Variants in RNF168 observed in about 807,000 individuals in gnomAD.
RNF168 encodes ring finger protein 168.
Under a neutral mutation model 34.9 loss-of-function variants are expected in RNF168, and 34 were observed. That is an observed-to-expected ratio of 0.97 (90% CI 0.74 to 1.30). The LOEUF is 1.30. Among genes scored for constraint, RNF168 ranks in the 50% most tolerant of loss-of-function variants. The pLI is 0.00. For missense variants in RNF168, 725 were observed against 682.5 expected, an observed-to-expected ratio of 1.06 and a Z score of -0.69; for synonymous variants, 264 against 254.7, an observed-to-expected ratio of 1.04 and a Z score of -0.35.
At chr3:196,498,760 C>T (rs1280399920) in intron 1 of RNF168, among the ~76,000 whole-genome samples, 1 of 151,906 alleles carries the variant, frequency 6.6e-6, no homozygotes, top group Non-Finnish European at 1.5e-5. Context: ...TTTGGGAGGC[C>T]GAGGCGGGTG....
At position 196,501,944 on chromosome 3, in the gene RNF168, C is replaced by T. The variant is rs73891269; in HGVS notation, c.301+929G>A. Among the ~76,000 whole-genome samples, 779 of 146,594 alleles carry T rather than the reference C, an allele frequency of 5.3e-3. 10 individuals are homozygous for T. Among genetic ancestry groups the T allele is most frequent in the African/African-American group, 0.018 (728 of 39,824 alleles). On this transcript the variant is annotated intron_variant, in intron 1 of 5. Transcript: ENST00000318037. ...ATGGTCTGCGAGCATTTGAATAAAG[C>T]TTTTTCTTTTAACTATTGTTTAAAA... is the stretch of plus-strand genomic sequence containing the variant.
chr3:196,471,788 C>T lies in RNF168; in HGVS notation c.*31G>A. On this transcript the variant is annotated 3_prime_UTR_variant, in exon 6 of 6. Coordinates refer to ENST00000318037, the MANE Select transcript of RNF168 (RefSeq NM_152617.4). The stretch of plus-strand genomic sequence containing the variant: ...GAAAGAGCTTCACATTCCAGCTTTA[C>T]TAGATCACAAAGCACTCCCTTTACC... The T allele has an allele frequency of 7.3e-7, 1 of 1,364,552 alleles. No individual in the cohort carries two copies. 84.5% of individuals were successfully genotyped at this position (1,364,552 alleles called of 1,614,324 possible). A position where few individuals can be genotyped will look rare whatever the true frequency, so the allele number is the denominator to read the frequency against.
intron 3 of RNF168, among the ~76,000 whole-genome samples, chr3:196,487,122 TAAGTA>T (rs2108650060): frequency 6.6e-6 from 1 of 152,370 alleles, no homozygotes; most frequent in Non-Finnish European, 1.5e-5. Flanking sequence ...AATTTTACTT[TAAGTA>T]AAGCAAAAAT....
At chr3:196,495,898 C>A (rs914512183) in intron 1 of RNF168, among the ~76,000 whole-genome samples, 1 of 152,132 alleles carries the variant, frequency 6.6e-6, no homozygotes, top group Non-Finnish European at 1.5e-5. Flanking sequence ...TTTGAGAAAT[C>A]CAAATGTAAA....
chr3:196,501,421 G>A (rs1180560158), intron 1 of RNF168, among the ~76,000 whole-genome samples: 1 of 152,184 alleles, frequency 6.6e-6, no homozygotes, highest in African/African-American at 2.4e-5. Flanking sequence ...ATGCCACACT[G>A]TACATGAACC....
Position 196,503,513 on chromosome 3 carries a change from G to GTCC in RNF168, c.-343_-341dup, listed in dbSNP as rs1470171123. ...CGGGGCAGCGAGGGGAACGCGCCAA[G>GTCC]TCCTCTCCTCCCCTCACCCGGAAAG... On this transcript the variant is annotated 5_prime_UTR_variant, in exon 1 of 6. Coordinates refer to ENST00000318037, the MANE Select transcript of RNF168 (RefSeq NM_152617.4). 2 of 378,276 alleles carry GTCC rather than the reference G, an allele frequency of 5.3e-6. No individual in the cohort carries two copies. Among genetic ancestry groups the GTCC allele is most frequent in the Non-Finnish European group, 1.0e-5 (2 of 198,218 alleles). The allele number at this position is 378,276 out of a possible 1,614,324, so 23.4% of individuals were successfully genotyped here. A position where few individuals can be genotyped will look rare whatever the true frequency, so the allele number is the denominator to read the frequency against.
chr3:196,493,327 C>A lies in RNF168; in HGVS notation c.302-4644G>T, dbSNP rs186033855. Among the ~76,000 whole-genome samples the A allele has an allele frequency of 2.4e-4, 37 of 152,308 alleles. No homozygotes were observed. The East Asian group carries it at 6.0e-3, about 25-fold the overall frequency. On this transcript the variant is annotated intron_variant, in intron 1 of 5. Transcript: ENST00000318037. ...TTAAGATCAGTGAGTTATTCAACTG[C>A]AGACACAAGTTAAAATTGTCTTCAT...
chr3:196,494,113 A>C (rs369742189), intron 1 of RNF168, among the ~76,000 whole-genome samples: 8,368 of 151,356 alleles, frequency 0.055, 700 homozygotes, highest in African/African-American at 0.18. Flanking sequence ...ACTCTCAAGT[A>C]CTGAGATTAC....
intron 5 of RNF168, among the ~76,000 whole-genome samples, chr3:196,473,032 G>A (rs2108644333): frequency 6.6e-6 from 1 of 151,872 alleles, no homozygotes; most frequent in South Asian, 2.1e-4. Context: ...CTCCCAAATA[G>A]GTGTATATTT....
intron 4 of RNF168, 188 bp from the exon 5 acceptor site, chr3:196,475,500 T>C: frequency 3.5e-6 from 2 of 571,994 alleles, no homozygotes; most frequent in Non-Finnish European, 3.1e-6. Flanking sequence ...TGAGTATTGA[T>C]ATTTTAGTGA....
intron 1 of RNF168, among the ~76,000 whole-genome samples, chr3:196,501,037 A>C (rs1732872180): frequency 6.6e-6 from 1 of 152,214 alleles, no homozygotes; most frequent in Non-Finnish European, 1.5e-5. Context: ...CACAGAGTTA[A>C]GATACCAGTT....
chr3:196,480,054 T>C (rs1732249569), intron 4 of RNF168, among the ~76,000 whole-genome samples: 1 of 88,418 alleles, frequency 1.1e-5, no homozygotes, highest in Admixed American at 9.0e-5. Flanking sequence ...CAAGCAAACC[T>C]TTGTAAATAT....
chr3:196,498,221 G>A (rs1046741179), intron 1 of RNF168, among the ~76,000 whole-genome samples: 1 of 152,068 alleles, frequency 6.6e-6, no homozygotes, highest in African/African-American at 2.4e-5. Flanking sequence ...GCAGTGGCGC[G>A]ATCTAGGCTC....
chr3:196,488,717 G>A (rs557320846), intron 1 of RNF168, 34 bp from the exon 2 acceptor site: 1 of 1,371,146 alleles, frequency 7.3e-7, no homozygotes, highest in South Asian at 1.2e-5. Context: ...TAACATTATA[G>A]GCAACACAAT....
At chr3:196,502,338 G>C (rs933352517) in intron 1 of RNF168, among the ~76,000 whole-genome samples, 3 of 152,170 alleles carry the variant, frequency 2.0e-5, no homozygotes, top group African/African-American at 7.2e-5. Context: ...TGTAATCCCA[G>C]CATTTTGGCA....
chr3:196,484,163 T>C (rs971764157), intron 3 of RNF168, among the ~76,000 whole-genome samples: 1 of 123,094 alleles, frequency 8.1e-6, no homozygotes, highest in African/African-American at 3.4e-5. Context: ...CCTGTTGATC[T>C]TTCTTTCCTT....
Position 196,472,298 on chromosome 3 carries a change from C to T in RNF168, c.1237G>A (p.Glu413Lys), listed in dbSNP as rs6790173. 7.5e-4 allele frequency: 1,210 copies of T among 1,613,790 alleles called. 12 individuals are homozygous for T. In the African/African-American group the frequency reaches 0.013, roughly 18 times the overall value. The change falls in exon 6 of 6, where the codon GAA (glutamate) becomes AAA (lysine). Residue 413 changes from glutamate (E) to lysine (K), a missense_variant. Glu to Lys is a moderately conservative substitution (Grantham distance 56). Coordinates refer to ENST00000318037, the MANE Select transcript of RNF168 (RefSeq NM_152617.4). ...FSAKRRKVSP[E>K]SSPDQEETEI... ...GTTTCCTCTTGATCTGGGGAAGATTCGGGGGACACTTTTCTTCTTTTTGCA... is the reference window on the plus strand; with the variant it reads ...GTTTCCTCTTGATCTGGGGAAGATTTGGGGGACACTTTTCTTCTTTTTGCA...
chr3:196,502,054 GAAAAAAAA>G (rs554041803), intron 1 of RNF168, among the ~76,000 whole-genome samples: 39 of 50,058 alleles, frequency 7.8e-4, no homozygotes, highest in Non-Finnish European at 1.2e-3. Context: ...AAAAAAATTA[GAAAAAAAA>G]AAAAAAAAAA....
At chr3:196,494,316 T>G (rs545333138) in intron 1 of RNF168, among the ~76,000 whole-genome samples, 4 of 152,358 alleles carry the variant, frequency 2.6e-5, no homozygotes, top group African/African-American at 9.6e-5. Context: ...GGTTAAACAT[T>G]CCTACTCTAC....
Sources: gnomAD v4.1 joint callset for allele counts (sites outside exome capture counted in the v4.1 genomes callset) on GRCh38, gnomAD v4.1.1 for gene constraint, MANE v1.5 for transcripts, NCBI Gene and HGNC (gene_info 2026-07-23, HGNC 2026-07-21) for gene names.